Variants in BRCA2 observed in about 807,000 individuals in gnomAD.
BRCA2 encodes the protein breast cancer type 2 susceptibility protein.
In BRCA2, 203 loss-of-function variants were observed where a neutral mutation model predicts 276.7. The ratio of observed to expected loss-of-function variants is 0.73; its 90% confidence interval spans 0.65 to 0.82. The LOEUF (loss-of-function observed/expected upper bound fraction) is 0.82, where lower values mean the gene tolerates loss of function less well. BRCA2 is among the 40% of genes least tolerant of loss of function. BRCA2 has a pLI of 0.00. For missense variants in BRCA2, 3,920 were observed against 3,915.0 expected, an observed-to-expected ratio of 1.00 and a Z score of -0.03; for synonymous variants, 1,289 against 1,338.4, an observed-to-expected ratio of 0.96 and a Z score of 0.81.
chr13:32,351,999 C>T (rs754410976), intron 13 of BRCA2, among the ~76,000 whole-genome samples: 12 of 152,042 alleles, frequency 7.9e-5, no homozygotes, highest in Non-Finnish European at 1.8e-4. Context: ...GAAGGGGTTT[C>T]ACCGTGTTAG....
At position 32,362,682 on chromosome 13, in the gene BRCA2, A is replaced by G. The variant is rs888703174; in HGVS notation, c.7965A>G (p.Gln2655=). ...RCLSPERVLL[Q]LKYRYDTEID... ...TAAGCCCAGAAAGGGTGCTTCTTCA[A>G]CTAAAATACAGGCAAGTTTAAAGCA... Residue 2655 remains glutamine, a synonymous_variant, in exon 17 of 27, where the codon CAA becomes CAG. Coordinates refer to ENST00000380152, the MANE Select transcript of BRCA2 (RefSeq NM_000059.4). The G allele has an allele frequency of 3.7e-6, 6 of 1,614,084 alleles. No individual in the cohort carries two copies. The highest frequency in any genetic ancestry group is 5.1e-6 in the Non-Finnish European group (6 of 1,180,044).
At chr13:32,342,281 A>G (rs1277955343) in intron 11 of BRCA2, among the ~76,000 whole-genome samples, 3 of 152,166 alleles carry the variant, frequency 2.0e-5, no homozygotes, top group South Asian at 2.1e-4. Context: ...AAAAAAAAAA[A>G]AAAAAAAGTG....
chr13:32,387,436 C>T (rs995307334), intron 24 of BRCA2, among the ~76,000 whole-genome samples: 3 of 152,114 alleles, frequency 2.0e-5, no homozygotes, highest in African/African-American at 4.8e-5. Context: ...CTGTCACGCC[C>T]GCATAAGGGC....
Position 32,346,912 on chromosome 13 carries a change from A to G in BRCA2, c.7007+16A>G. 6.3e-7 allele frequency: 1 copy of G among 1,586,222 alleles called. No homozygotes were observed. The highest frequency in any genetic ancestry group is 1.7e-5 in the Admixed American group (1 of 59,198). Reference sequence around the variant, plus strand: ...TACCCTTTCGGTAAGACATGTTTAAATTTTTCTAAATTCTAATACAGTATG... The same window carrying G: ...TACCCTTTCGGTAAGACATGTTTAAGTTTTTCTAAATTCTAATACAGTATG... On this transcript the variant is annotated intron_variant, in intron 13 of 26. Coordinates refer to ENST00000380152, the MANE Select transcript of BRCA2 (RefSeq NM_000059.4).
Position 32,336,749 on chromosome 13 carries a change from C to A in BRCA2, c.2394C>A (p.Leu798=), listed in dbSNP as rs1593896819. ...AATCATACAAAATGTCAGACAAGCT[C>A]AAAGGTAACAATTATGAATCTGATG... ...GKESYKMSDK[L]KGNNYESDVE... The change falls in exon 11 of 27, where the codon CTC becomes CTA. Residue 798 remains leucine (L), a synonymous_variant. Coordinates refer to ENST00000380152, the MANE Select transcript of BRCA2 (RefSeq NM_000059.4). 1.2e-6 allele frequency: 2 copies of A among 1,613,592 alleles called. No individual in the cohort carries two copies. Among genetic ancestry groups the A allele is most frequent in the South Asian group, 2.2e-5 (2 of 90,976 alleles).
At position 32,338,240 on chromosome 13, in the gene BRCA2, A is replaced by G. The variant is rs876659864; in HGVS notation, c.3885A>G (p.Gln1295=). Residue 1295 remains glutamine, a synonymous_variant, in exon 11 of 27, where the codon CAA becomes CAG. Coordinates refer to ENST00000380152, the MANE Select transcript of BRCA2 (RefSeq NM_000059.4). ...ATAATAAATGCCAACTGATATTACA[A>G]AATAATATTGAAATGACTACTGGCA... ...EKNNKCQLIL[Q]NNIEMTTGTF... The G allele has an allele frequency of 6.5e-7, 1 of 1,544,654 alleles. No individual in the cohort carries two copies. The highest frequency in any genetic ancestry group is 2.1e-5 in the Admixed American group (1 of 47,108).
intron 24 of BRCA2, among the ~76,000 whole-genome samples, chr13:32,391,741 G>T (rs1307821230): frequency 6.6e-6 from 1 of 152,180 alleles, no homozygotes; most frequent in Non-Finnish European, 1.5e-5. Context: ...TTTTCCTTTT[G>T]TCTTGTGAAG....
At chr13:32,329,776 CTATATATA>C (rs1035401367) in intron 8 of BRCA2, among the ~76,000 whole-genome samples, 1 of 150,302 alleles carries the variant, frequency 6.7e-6, no homozygotes, top group African/African-American at 2.4e-5. Context: ...GTACCGAACC[CTATATATA>C]TATATTAAAA....
At chr13:32,398,118 T>A (rs775249721) in intron 26 of BRCA2, 44 bp from the exon 27 acceptor site, 1 of 1,562,194 alleles carries the variant, frequency 6.4e-7, no homozygotes, top group South Asian at 1.2e-5. Flanking sequence ...GTTTTTTATG[T>A]TACTACATAA....
chr13:32,359,215 A>C (rs2137570506), intron 16 of BRCA2, among the ~76,000 whole-genome samples: 1 of 105,312 alleles, frequency 9.5e-6, no homozygotes, highest in Non-Finnish European at 1.9e-5. Flanking sequence ...GTGAGACTCC[A>C]TCTCAAGAAA....
chr13:32,370,831 G>A lies in BRCA2; in HGVS notation c.8488-125G>A. The A allele has an allele frequency of 2.5e-6, 3 of 1,221,264 alleles. No individual in the cohort carries two copies. In the South Asian group the frequency reaches 3.8e-5, roughly 16 times the overall value. 75.7% of individuals were successfully genotyped at this position (1,221,264 alleles called of 1,614,324 possible). A position where few individuals can be genotyped will look rare whatever the true frequency, so the allele number is the denominator to read the frequency against. On this transcript the variant is annotated intron_variant, in intron 19 of 26. Transcript: ENST00000380152. ...TGATCTCGAACTCCTGACCTCAGGT[G>A]ATCCACTAATCTCAGCCTCCCAAAG...
intron 18 of BRCA2, among the ~76,000 whole-genome samples, chr13:32,369,763 G>A (rs1333739106): frequency 2.0e-5 from 3 of 152,142 alleles, no homozygotes; most frequent in South Asian, 2.1e-4. Context: ...TAGTAGAGAC[G>A]GGGTTTCACC....
intron 10 of BRCA2, among the ~76,000 whole-genome samples, chr13:32,334,089 A>T (rs1231488807): frequency 6.6e-6 from 1 of 152,174 alleles, no homozygotes; most frequent in Non-Finnish European, 1.5e-5. Flanking sequence ...GTACAGGTGG[A>T]TGTATCTTTA....
intron 20 of BRCA2, among the ~76,000 whole-genome samples, chr13:32,374,972 C>T (rs559578747): frequency 4.6e-5 from 7 of 152,306 alleles, no homozygotes; most frequent in African/African-American, 1.7e-4. Flanking sequence ...TTCCACATGG[C>T]TGGGGAGGCC....
At chr13:32,379,968 G>T (rs771635535) in intron 23 of BRCA2, 39 bp from the exon 24 acceptor site, 1 of 1,613,180 alleles carries the variant, frequency 6.2e-7, no homozygotes, top group Non-Finnish European at 8.5e-7. Flanking sequence ...TTAGTTTATG[G>T]AATCTCCATA....
chr13:32,324,511 T>C (rs1357479063), intron 3 of BRCA2, among the ~76,000 whole-genome samples: 1 of 152,246 alleles, frequency 6.6e-6, no homozygotes, highest in Admixed American at 6.5e-5. Context: ...AAGGCCTTCA[T>C]ACTATGGAGT....
chr13:32,361,773 C>T (rs1243923226), intron 16 of BRCA2, among the ~76,000 whole-genome samples: 5 of 151,956 alleles, frequency 3.3e-5, no homozygotes, highest in Non-Finnish European at 7.4e-5. Context: ...TGGAAGTTCT[C>T]TTTTGATTAC....
Position 32,396,996 on chromosome 13 carries a change from AG to A in BRCA2, c.9603del (p.Pro3202ArgfsTer15). 6.2e-7 allele frequency: 1 copy of A among 1,614,102 alleles called. No individual in the cohort carries two copies. The highest frequency in any genetic ancestry group is 8.5e-7 in the Non-Finnish European group (1 of 1,179,948). Reference protein sequence around the residue: ...WSTPTKDCTSGPYTAQIIPGT... With the variant: ...WSTPTKDCTSXPYTAQIIPGT... ...CCACCCCAACTAAAGACTGTACTTC[AG>A]GGCCGTACACTGCTCAAATCATTCC... On this transcript the variant is annotated frameshift_variant, in exon 26 of 27. Coordinates refer to ENST00000380152, the MANE Select transcript of BRCA2 (RefSeq NM_000059.4). LOFTEE classifies it low-confidence loss of function (END_TRUNC).
rs1555283076 is a variant in BRCA2 at position 32,337,523 on chromosome 13, A to G, written c.3168A>G (p.Gln1056=). The G allele has an allele frequency of 1.2e-6, 2 of 1,608,232 alleles. No individual in the cohort carries two copies. Among genetic ancestry groups the G allele is most frequent in the South Asian group, 2.2e-5 (2 of 90,010 alleles). ...EIVNTLALDN[Q]KKLSKPQSIN... ...TAAATACCTTGGCATTAGATAATCA[A>G]AAGAAACTGAGCAAGCCTCAGTCAA... The change falls in exon 11 of 27, where the codon CAA becomes CAG. Residue 1056 remains glutamine, a synonymous_variant. Transcript: ENST00000380152.
Sources: allele counts gnomAD v4.1 joint callset (sites outside exome capture counted in the v4.1 genomes callset), GRCh38; gene constraint gnomAD v4.1.1; transcripts MANE v1.5; gene names NCBI Gene and HGNC (gene_info 2026-07-23, HGNC 2026-07-21).